Variants in IGHMBP2 observed in about 807,000 individuals in gnomAD.
IGHMBP2 encodes the protein DNA-binding protein SMUBP-2.
A neutral mutation model predicts 96.0 loss-of-function variants in IGHMBP2; 81 were observed. That is an observed-to-expected ratio of 0.84 (90% CI 0.71 to 1.01). The LOEUF is 1.01. Ranked by LOEUF, IGHMBP2 falls within the 50% of genes least tolerant of loss-of-function variation. The pLI is 0.00. For synonymous variants in IGHMBP2, 557 were observed against 548.9 expected (o/e 1.01, Z -0.21); for missense variants, 1,227 against 1,306.3 (o/e 0.94, Z 0.94).
intron 12 of IGHMBP2, among the ~76,000 whole-genome samples, chr11:68,935,855 G>A (rs894387532): frequency 2.0e-5 from 3 of 152,246 alleles, no homozygotes; most frequent in Non-Finnish European, 2.9e-5. Flanking sequence ...CGGGCTTTGT[G>A]AGACATTCTC....
rs138223073 is a variant in IGHMBP2 at position 68,937,492 on chromosome 11, G to T, written c.2611+401G>T. Among the ~76,000 whole-genome samples the T allele has an allele frequency of 5.5e-3, 841 of 152,366 alleles. 4 individuals carry two copies. The highest frequency in any genetic ancestry group is 1.0e-2 in the Non-Finnish European group (678 of 68,040). Reference sequence around the variant, plus strand: ...GCGAAAGGGTGCACTCTGCCTGGAAGTTGTCCTGGGCAAAATGCTCAGAAC... The same window carrying T: ...GCGAAAGGGTGCACTCTGCCTGGAATTTGTCCTGGGCAAAATGCTCAGAAC... On this transcript the variant is annotated intron_variant, in intron 13 of 14. Coordinates refer to ENST00000255078, the MANE Select transcript of IGHMBP2 (RefSeq NM_002180.3).
In IGHMBP2 at chr11:68,933,992, C is replaced by T. The variant is rs752561384; in HGVS notation, c.1537+79C>T. 37 of 1,027,180 alleles carry T rather than the reference C, an allele frequency of 3.6e-5. No individual in the cohort carries two copies. The Middle Eastern group carries it at 3.6e-3, about 100-fold the overall frequency. The allele number at this position is 1,027,180 out of a possible 1,614,324, so 63.6% of individuals were successfully genotyped here. A position where few individuals can be genotyped will look rare whatever the true frequency, so the allele number is the denominator to read the frequency against. ...TTAAAAATAAAAGGCACTTTAATTG[C>T]CTAATTCCGGGAGGAGCTGAGAGCA... On this transcript the variant is annotated intron_variant, in intron 10 of 14. Coordinates refer to ENST00000255078, the MANE Select transcript of IGHMBP2 (RefSeq NM_002180.3).
chr11:68,906,326 C>A (rs1217242234), intron 2 of IGHMBP2, 88 bp downstream of exon 2: 6 of 1,377,758 alleles, frequency 4.4e-6, no homozygotes, highest in Non-Finnish European at 6.2e-6. Flanking sequence ...ATTAAAATGA[C>A]CAGTTGGAGA....
At chr11:68,935,510 C>T in intron 12 of IGHMBP2, 88 bp downstream of exon 12, 1 of 1,510,738 alleles carries the variant, frequency 6.6e-7, no homozygotes, top group East Asian at 2.3e-5. Flanking sequence ...CTGGGTGCCA[C>T]ACTGGTTTCT....
intron 5 of IGHMBP2, among the ~76,000 whole-genome samples, chr11:68,912,875 A>G (rs1043646094): frequency 4.0e-5 from 6 of 151,608 alleles, no homozygotes; most frequent in African/African-American, 1.2e-4. Flanking sequence ...CCCCGTCTCT[A>G]CTAAAAATAC....
intron 1 of IGHMBP2, among the ~76,000 whole-genome samples, chr11:68,904,593 A>G (rs969534701): frequency 6.6e-6 from 1 of 151,942 alleles, no homozygotes; most frequent in African/African-American, 2.4e-5. Context: ...GCCTGAAGGA[A>G]AATTGGAGTT....
intron 5 of IGHMBP2, among the ~76,000 whole-genome samples, chr11:68,913,324 C>CTG (rs1456783220): frequency 6.6e-6 from 1 of 152,104 alleles, no homozygotes; most frequent in Non-Finnish European, 1.5e-5. Context: ...CAAGACACAC[C>CTG]TGTGTGCACG....
In IGHMBP2 at chr11:68,939,763, C is replaced by G; in HGVS notation, c.*32C>G. On this transcript the variant is annotated 3_prime_UTR_variant, in exon 15 of 15. Transcript: ENST00000255078. ...GCATCCTTGCACGCCCCGCGGAGCT[C>G]TCTCCATGGTAGCCCAGGGCGCTGG... The G allele has an allele frequency of 6.3e-7, 1 of 1,577,064 alleles. No individual in the cohort carries two copies.
intron 8 of IGHMBP2, chr11:68,930,603 G>A: frequency 1.2e-6 from 1 of 837,382 alleles, no homozygotes; most frequent in Non-Finnish European, 1.4e-6. Flanking sequence ...GGGATCTCTG[G>A]GGTGTTGATT....
intron 6 of IGHMBP2, among the ~76,000 whole-genome samples, chr11:68,915,525 C>G (rs1014901988): frequency 7.9e-5 from 12 of 151,704 alleles, no homozygotes; most frequent in Non-Finnish European, 1.8e-4. Flanking sequence ...CTCTGTCACC[C>G]AGGCCGGAGT....
intron 7 of IGHMBP2, among the ~76,000 whole-genome samples, chr11:68,925,526 C>T (rs993251687): frequency 3.9e-5 from 6 of 152,150 alleles, no homozygotes; most frequent in Non-Finnish European, 8.8e-5. Flanking sequence ...GGGTCACAAG[C>T]AGAAAATACA....
In IGHMBP2 at chr11:68,912,257, G is replaced by A. The variant is rs1050188172; in HGVS notation, c.711+654G>A. Among the ~76,000 whole-genome samples the A allele has an allele frequency of 4.6e-5, 7 of 152,068 alleles. No individual in the cohort carries two copies. The South Asian group carries it at 1.3e-3, about 27-fold the overall frequency. On this transcript the variant is annotated intron_variant, in intron 5 of 14. Coordinates refer to ENST00000255078, the MANE Select transcript of IGHMBP2 (RefSeq NM_002180.3). ...AGTGATTCTCCTACCTCAGCCTCCC[G>A]AACAGCTGGGATTATAGGCGTGCGC... is the stretch of plus-strand genomic sequence containing the variant.
rs773136945 is a variant in IGHMBP2 at position 68,936,531 on chromosome 11, A to G, written c.2051A>G (p.Gln684Arg). Residue 684 changes from glutamine to arginine, a missense_variant, in exon 13 of 15, where the codon CAG (glutamine) becomes CGG (arginine). Gln to Arg is a conservative substitution (Grantham distance 43). Transcript: ENST00000255078. ...GGAAGCCAGCGGCAGGAGGGAGGCC[A>G]GGAGGCTGCAGCACCTGCCAGACAG... ...RTGSQRQEGG[Q>R]EAAAPARQGR... 1 of 1,613,052 alleles carries G rather than the reference A, an allele frequency of 6.2e-7. No homozygotes were observed. Among genetic ancestry groups the G allele is most frequent in the Non-Finnish European group, 8.5e-7 (1 of 1,179,774 alleles).
At chr11:68,929,681 G>A (rs1386080561) in intron 8 of IGHMBP2, 16 of 956,610 alleles carry the variant, frequency 1.7e-5, no homozygotes, top group Non-Finnish European at 1.6e-5. Flanking sequence ...GTAGAGTGCC[G>A]TGAGAGCCTT....
In IGHMBP2 at chr11:68,934,577, G is replaced by A; in HGVS notation, c.1632+19G>A. 1.3e-6 allele frequency: 2 copies of A among 1,573,758 alleles called. No homozygotes were observed. The highest frequency in any genetic ancestry group is 3.3e-4 in the Middle Eastern group (2 of 5,996). On this transcript the variant is annotated intron_variant, in intron 11 of 14. Transcript: ENST00000255078. ...CCTCCAGGTACGAGGGTTTCCTTTT[G>A]TCCCTCTACAGAGCAGCTGGGGCTC...
At chr11:68,912,395 G>A (rs3794025) in intron 5 of IGHMBP2, among the ~76,000 whole-genome samples, 34,158 of 152,054 alleles carry the variant, frequency 0.22, 4,948 homozygotes, top group Admixed American at 0.4. Context: ...CTCCCAAAGT[G>A]CTACGATTAC....
rs200007067 is a variant in IGHMBP2, at chr11:68,929,230, G to A, written c.1108G>A (p.Asp370Asn). 1.0e-4 allele frequency: 163 copies of A among 1,613,764 alleles called. No homozygotes were observed. Among genetic ancestry groups the A allele is most frequent in the Non-Finnish European group, 1.1e-4 (125 of 1,180,026 alleles). Reference protein sequence around the residue: ...PLKLLPESYFDVVVIDECAQA... With the variant: ...PLKLLPESYFNVVVIDECAQA... The stretch of plus-strand genomic sequence containing the variant: ...GAAGTTGCTGCCCGAGAGCTACTTC[G>A]ACGTGGTGGTCATTGACGAGTGTGC... Residue 370 changes from aspartate (D) to asparagine (N), a missense_variant, in exon 8 of 15, where the codon GAC (aspartate) becomes AAC (asparagine). This residue lies in a region of IGHMBP2 where 507 missense variants were observed against 496.9 expected (regional missense o/e 1.02). Coordinates refer to ENST00000255078, the MANE Select transcript of IGHMBP2 (RefSeq NM_002180.3).
intron 5 of IGHMBP2, among the ~76,000 whole-genome samples, chr11:68,913,855 G>A (rs528181650): frequency 5.3e-5 from 8 of 152,270 alleles, no homozygotes; most frequent in East Asian, 3.9e-4. Flanking sequence ...AGAAAGTCAC[G>A]AAACACCAGG....
intron 9 of IGHMBP2, 112 bp from the exon 10 acceptor site, chr11:68,933,683 T>C: frequency 1.9e-6 from 2 of 1,027,534 alleles, no homozygotes; most frequent in South Asian, 1.4e-5. Context: ...GATGTGCTCA[T>C]TGTCCTCCCC....
Sources: gnomAD v4.1 joint callset for allele counts (sites outside exome capture counted in the v4.1 genomes callset) on GRCh38, gnomAD v4.1.1 for gene constraint, gnomAD v4.1.1 regional missense constraint, MANE v1.5 for transcripts, NCBI Gene and HGNC (gene_info 2026-07-23, HGNC 2026-07-21) for gene names.